PCSK5: variants seen among roughly 807,000 people sequenced by gnomAD.
PCSK5 encodes proprotein convertase subtilisin/kexin type 5.
PCSK5 carries 129 observed loss-of-function variants against 233.2 expected under a neutral mutation model. The ratio of observed to expected loss-of-function variants is 0.55; its 90% confidence interval spans 0.48 to 0.64. PCSK5 has a LOEUF of 0.64. Among genes scored for constraint, PCSK5 ranks in the 30% least tolerant of loss-of-function variants. PCSK5 has a pLI of 0.00. For synonymous variants in PCSK5, 825 were observed against 879.2 expected (o/e 0.94, Z 1.09); for missense variants, 2,076 against 2,430.1 (o/e 0.85, Z 3.06).
chr9:76,151,914 G>A (rs1453661579), intron 10 of PCSK5, among the ~76,000 whole-genome samples: 1 of 152,236 alleles, frequency 6.6e-6, no homozygotes, highest in African/African-American at 2.4e-5. Context: ...TGAGTATGGT[G>A]TTGAATACAG....
intron 9 of PCSK5, among the ~76,000 whole-genome samples, chr9:76,124,373 G>A (rs557746819): frequency 4.1e-4 from 62 of 152,252 alleles, no homozygotes; most frequent in African/African-American, 1.5e-3. Flanking sequence ...GCAAGGTAAA[G>A]CTAATATTCT....
chr9:76,101,302 C>T (rs1587628567), intron 8 of PCSK5, among the ~76,000 whole-genome samples: 1 of 152,242 alleles, frequency 6.6e-6, no homozygotes, highest in Non-Finnish European at 1.5e-5. Context: ...TGCTCTGTTT[C>T]TTTCAGAGAA....
intron 1 of PCSK5, among the ~76,000 whole-genome samples, chr9:75,909,433 C>G (rs974250606): frequency 6.9e-5 from 10 of 145,672 alleles, no homozygotes; most frequent in Admixed American, 3.4e-4. Context: ...CGGTAGCTCA[C>G]GCCTGTAATC....
intron 32 of PCSK5, among the ~76,000 whole-genome samples, chr9:76,324,921 C>T (rs1465697325): frequency 1.3e-5 from 2 of 152,030 alleles, no homozygotes; most frequent in African/African-American, 4.8e-5. Context: ...TGAGAGTGAC[C>T]TTCCACTGAG....
intron 2 of PCSK5, among the ~76,000 whole-genome samples, chr9:75,970,373 T>C (rs1214566180): frequency 6.6e-6 from 1 of 152,186 alleles, no homozygotes; most frequent in African/African-American, 2.4e-5. Flanking sequence ...AGTCAGAAAG[T>C]GCCCTGGAGG....
intron 24 of PCSK5, among the ~76,000 whole-genome samples, chr9:76,267,931 A>G (rs1827386104): frequency 6.8e-6 from 1 of 147,424 alleles, no homozygotes; most frequent in Non-Finnish European, 1.5e-5. Context: ...CCCAAAATGC[A>G]CACACATGCT....
At chr9:75,949,758 C>T (rs1324075802) in intron 2 of PCSK5, among the ~76,000 whole-genome samples, 2 of 152,038 alleles carry the variant, frequency 1.3e-5, no homozygotes, top group Non-Finnish European at 2.9e-5. Flanking sequence ...GATATCTTGA[C>T]TGTGATCCGC....
chr9:76,068,370 T>C (rs944260720), intron 6 of PCSK5, among the ~76,000 whole-genome samples: 4 of 152,210 alleles, frequency 2.6e-5, no homozygotes, highest in African/African-American at 9.6e-5. Flanking sequence ...AACGAACTAA[T>C]AATATAAACA....
At chr9:75,917,788 T>C (rs548149815) in intron 1 of PCSK5, among the ~76,000 whole-genome samples, 10 of 152,216 alleles carry the variant, frequency 6.6e-5, no homozygotes, top group Non-Finnish European at 1.5e-4. Context: ...TACTAAGATA[T>C]CTGTTGAGAT....
intron 13 of PCSK5, among the ~76,000 whole-genome samples, chr9:76,173,774 ACCAG>A (rs1358520475): frequency 1.3e-5 from 2 of 151,748 alleles, no homozygotes; most frequent in African/African-American, 4.8e-5. Flanking sequence ...GGAGTTCAAG[ACCAG>A]CCTGACCAAC....
intron 10 of PCSK5, among the ~76,000 whole-genome samples, chr9:76,135,585 T>C (rs1019121849): frequency 1.3e-5 from 2 of 152,108 alleles, no homozygotes; most frequent in Admixed American, 6.6e-5. Context: ...AAAATTGTAA[T>C]TGTATGGGAG....
chr9:76,258,452 C>T (rs1430307948), intron 24 of PCSK5, among the ~76,000 whole-genome samples: 1 of 152,184 alleles, frequency 6.6e-6, no homozygotes, highest in East Asian at 1.9e-4. Flanking sequence ...TGCAATCATG[C>T]TAGCTGCCCA....
intron 2 of PCSK5, among the ~76,000 whole-genome samples, chr9:75,958,385 T>G (rs899908859): frequency 6.6e-6 from 1 of 152,054 alleles, no homozygotes; most frequent in Non-Finnish European, 1.5e-5. Flanking sequence ...TGAAACGAGT[T>G]TATTAGGCTG....
At chr9:75,998,437 A>G (rs1215633399) in intron 3 of PCSK5, among the ~76,000 whole-genome samples, 5 of 152,226 alleles carry the variant, frequency 3.3e-5, no homozygotes, top group Non-Finnish European at 7.3e-5. Flanking sequence ...AAGAACTCAC[A>G]GACCACTAAA....
chr9:75,941,788 C>G (rs1253579379), intron 2 of PCSK5, among the ~76,000 whole-genome samples: 2 of 152,054 alleles, frequency 1.3e-5, no homozygotes, highest in Admixed American at 6.5e-5. Flanking sequence ...CATGTGGGTG[C>G]CGGGTCCACT....
intron 10 of PCSK5, among the ~76,000 whole-genome samples, chr9:76,141,687 T>G (rs577167876): frequency 1.3e-5 from 2 of 152,230 alleles, no homozygotes; most frequent in East Asian, 3.9e-4. Context: ...ATAGATGAGA[T>G]TGTCTTTTGT....
chr9:75,900,334 A>G (rs1825971338), intron 1 of PCSK5, among the ~76,000 whole-genome samples: 1 of 152,184 alleles, frequency 6.6e-6, no homozygotes, highest in Non-Finnish European at 1.5e-5. Context: ...AGTAGCTAGA[A>G]TAGTATCTGA....
intron 20 of PCSK5, among the ~76,000 whole-genome samples, chr9:76,223,938 G>A (rs1825803927): frequency 6.6e-6 from 1 of 152,212 alleles, no homozygotes; most frequent in African/African-American, 2.4e-5. Flanking sequence ...ACTTGTGCCT[G>A]TAAGAGCTGG....
At chr9:76,159,816 CTTTTTTTTTTTTT>C (rs386415165) in intron 12 of PCSK5, among the ~76,000 whole-genome samples, 57 of 97,588 alleles carry the variant, frequency 5.8e-4, no homozygotes, top group Middle Eastern at 6.7e-3. Flanking sequence ...CTCTTCAGTC[CTTTTTTTTTTTTT>C]TTTTTTTTTT....
Sources: gnomAD v4.1 joint callset for allele counts (sites outside exome capture counted in the v4.1 genomes callset) on GRCh38, gnomAD v4.1.1 for gene constraint, MANE v1.5 for transcripts, NCBI Gene and HGNC (gene_info 2026-07-23, HGNC 2026-07-21) for gene names.